Variants in FAM193A observed in about 807,000 individuals in gnomAD.
The protein encoded by FAM193A is family with sequence similarity 193 member A.
FAM193A carries 22 observed loss-of-function variants against 126.5 expected under a neutral mutation model. That is an observed-to-expected ratio of 0.17 (90% confidence interval 0.12 to 0.25). FAM193A has a LOEUF of 0.25. Among genes scored for constraint, FAM193A ranks in the 10% least tolerant of loss-of-function variants. The pLI, the probability that FAM193A is intolerant of heterozygous loss-of-function variation, is 1.00. For missense variants in FAM193A, 1,675 were observed against 1,672.8 expected (o/e 1.00, Z -0.02); for synonymous variants, 761 against 646.8 (o/e 1.18, Z -2.68).
At chr4:2,655,688 T>C (rs1215095092) in intron 7 of FAM193A, among the ~76,000 whole-genome samples, 1 of 151,922 alleles carries the variant, frequency 6.6e-6, no homozygotes, top group African/African-American at 2.4e-5. Context: ...CCCAGCACTT[T>C]GGGAGGCCAA....
At chr4:2,707,113 C>G (rs1406992389) in intron 19 of FAM193A, among the ~76,000 whole-genome samples, 3 of 151,950 alleles carry the variant, frequency 2.0e-5, no homozygotes, top group Admixed American at 2.0e-4. Context: ...CAGAGTGAGA[C>G]TCTGTCTCCC....
intron 2 of FAM193A, among the ~76,000 whole-genome samples, chr4:2,607,700 C>T (rs898617336): frequency 6.6e-6 from 1 of 152,232 alleles, no homozygotes; most frequent in African/African-American, 2.4e-5. Context: ...AGGTTGGCAA[C>T]TAGGCTTATA....
intron 1 of FAM193A, among the ~76,000 whole-genome samples, chr4:2,566,763 C>T (rs1738987440): frequency 6.6e-6 from 1 of 152,040 alleles, no homozygotes; most frequent in African/African-American, 2.4e-5. Context: ...TGTAAATAGT[C>T]ATTTTACTGC....
At chr4:2,624,255 C>CTG (rs1742747648) in intron 2 of FAM193A, among the ~76,000 whole-genome samples, 1 of 152,098 alleles carries the variant, frequency 6.6e-6, no homozygotes, top group Non-Finnish European at 1.5e-5. Flanking sequence ...CGGCTCACTG[C>CTG]AACCTCAGCC....
At chr4:2,657,335 T>G (rs1313008836) in intron 7 of FAM193A, among the ~76,000 whole-genome samples, 1 of 152,226 alleles carries the variant, frequency 6.6e-6, no homozygotes, top group Non-Finnish European at 1.5e-5. Context: ...AATTTCTCTT[T>G]TTGCCTTTAA....
chr4:2,547,407 T>C (rs954503642), intron 1 of FAM193A, among the ~76,000 whole-genome samples: 1 of 151,920 alleles, frequency 6.6e-6, no homozygotes, highest in East Asian at 1.9e-4. Context: ...AAAATAATAA[T>C]AACAATAATA....
intron 1 of FAM193A, among the ~76,000 whole-genome samples, chr4:2,587,946 C>T (rs977143840): frequency 1.3e-5 from 2 of 152,100 alleles, no homozygotes; most frequent in African/African-American, 2.4e-5. Context: ...CCTCAAGTGG[C>T]GACAGGGTGG....
chr4:2,639,653 G>T (rs1744411724), intron 5 of FAM193A, 82 bp from the exon 6 acceptor site: 5 of 1,060,538 alleles, frequency 4.7e-6, no homozygotes, highest in African/African-American at 1.8e-5. Context: ...AATGGGGAGG[G>T]GGGAGGGAAT....
intron 5 of FAM193A, among the ~76,000 whole-genome samples, chr4:2,631,753 A>G (rs1219096147): frequency 6.6e-6 from 1 of 152,136 alleles, no homozygotes; most frequent in African/African-American, 2.4e-5. Context: ...AGACACACAG[A>G]TGGGTCCGGT....
chr4:2,643,839 G>C (rs1744873456), intron 6 of FAM193A, among the ~76,000 whole-genome samples: 1 of 152,062 alleles, frequency 6.6e-6, no homozygotes, highest in South Asian at 2.1e-4. Flanking sequence ...GTAGGCGGGG[G>C]GTGTTTCTAT....
intron 2 of FAM193A, among the ~76,000 whole-genome samples, chr4:2,610,932 T>C (rs1741832481): frequency 6.6e-6 from 1 of 152,158 alleles, no homozygotes. Context: ...AGACAGGGTT[T>C]CTCCATGTTG....
intron 2 of FAM193A, among the ~76,000 whole-genome samples, chr4:2,604,791 C>CTTTTTTTT (rs869148370): frequency 1.0e-4 from 10 of 99,634 alleles, no homozygotes; most frequent in East Asian, 2.8e-4. Context: ...TTTCTTTTTC[C>CTTTTTTTT]TTTTTTTTTT....
At chr4:2,610,165 G>A (rs544920511) in intron 2 of FAM193A, among the ~76,000 whole-genome samples, 2 of 152,170 alleles carry the variant, frequency 1.3e-5, no homozygotes, top group African/African-American at 4.8e-5. Flanking sequence ...CAGAGAGTTG[G>A]AGGTTGCAGT....
chr4:2,583,914 A>C (rs948165818), intron 1 of FAM193A, among the ~76,000 whole-genome samples: 3 of 152,158 alleles, frequency 2.0e-5, no homozygotes, highest in African/African-American at 7.2e-5. Context: ...AGGTCTCTTC[A>C]TCCTAGGGCA....
At chr4:2,551,893 T>A (rs1029841920) in intron 1 of FAM193A, among the ~76,000 whole-genome samples, 1 of 151,898 alleles carries the variant, frequency 6.6e-6, no homozygotes, top group Non-Finnish European at 1.5e-5. Flanking sequence ...TAGTCTGGAG[T>A]GCTGTGGCTT....
chr4:2,715,720 A>T (rs1719466860), intron 19 of FAM193A, among the ~76,000 whole-genome samples: 1 of 152,172 alleles, frequency 6.6e-6, no homozygotes, highest in Non-Finnish European at 1.5e-5. Flanking sequence ...GGGCTCTCTG[A>T]TGGGCTGCCT....
At chr4:2,695,234 A>G (rs1268615790) in intron 17 of FAM193A, 105 bp downstream of exon 17, 1 of 899,702 alleles carries the variant, frequency 1.1e-6, no homozygotes, top group East Asian at 3.1e-5. Context: ...TTCCACTTCT[A>G]GGGTATATCC....
At chr4:2,601,724 A>AT (rs1336684161) in intron 2 of FAM193A, among the ~76,000 whole-genome samples, 2 of 151,532 alleles carry the variant, frequency 1.3e-5, no homozygotes, top group Non-Finnish European at 2.9e-5. Flanking sequence ...CTCTGTCTCT[A>AT]TAAAAAAAAA....
At chr4:2,678,955 C>T (rs1186908087) in intron 13 of FAM193A, among the ~76,000 whole-genome samples, 2 of 152,126 alleles carry the variant, frequency 1.3e-5, no homozygotes, top group Non-Finnish European at 2.9e-5. Flanking sequence ...ATTTCTAATA[C>T]TGTGTTGAAG....
Sources: allele counts gnomAD v4.1 joint callset (sites outside exome capture counted in the v4.1 genomes callset), GRCh38; gene constraint gnomAD v4.1.1; transcripts MANE v1.5; gene names NCBI Gene and HGNC (gene_info 2026-07-23, HGNC 2026-07-21).